The following NTRK3 variants were observed in gnomAD, a reference collection of about 807,000 sequenced individuals.
NTRK3 encodes neurotrophic receptor tyrosine kinase 3, also known as NT-3 growth factor receptor.
Under a neutral mutation model 91.7 loss-of-function variants are expected in NTRK3, and 24 were observed. The ratio of observed to expected loss-of-function variants is 0.26; its 90% CI spans 0.19 to 0.37. NTRK3 has a LOEUF of 0.37. Among genes scored for constraint, NTRK3 ranks in the 10% least tolerant of loss-of-function variants. The pLI is 1.00. For missense variants in NTRK3, 880 were observed against 1,068.9 expected, an observed-to-expected ratio of 0.82 and a Z score of 2.46; for synonymous variants, 483 against 404.0, an observed-to-expected ratio of 1.20 and a Z score of -2.34.
intron 5 of NTRK3, among the ~76,000 whole-genome samples, chr15:88,159,943 T>TAC (rs59254719): frequency 0.06 from 6,722 of 111,884 alleles, 342 homozygotes; most frequent in East Asian, 0.11. Flanking sequence ...CCCAGCCTCC[T>TAC]ACACACACAC....
At chr15:87,863,315 C>A (rs2064573860) in exon 19 of NTRK3, 1 of 226,564 alleles carries the variant, frequency 4.4e-6, no homozygotes, top group Non-Finnish European at 8.8e-6. Context: ...AACAACTGCC[C>A]TTCCTAGTCT....
chr15:88,111,325 A>C (rs776813632), intron 13 of NTRK3, among the ~76,000 whole-genome samples: 25 of 152,234 alleles, frequency 1.6e-4, no homozygotes, highest in Admixed American at 1.2e-3. Context: ...TAATACTTGC[A>C]TCCTTGGAGA....
At chr15:88,135,051 A>G in intron 10 of NTRK3, 50 bp downstream of exon 10, 1 of 1,606,286 alleles carries the variant, frequency 6.2e-7, no homozygotes, top group Non-Finnish European at 8.5e-7. Context: ...CCATCTCCCA[A>G]GCTTGTAGAA....
chr15:87,879,474 C>A (rs1031564852), intron 18 of NTRK3, among the ~76,000 whole-genome samples: 1 of 152,150 alleles, frequency 6.6e-6, no homozygotes, highest in African/African-American at 2.4e-5. Flanking sequence ...GGATTACAGC[C>A]CAGGCTTTGT....
intron 14 of NTRK3, among the ~76,000 whole-genome samples, chr15:87,954,026 GTGTGTGTGTGTGTGTGTGTGT>G (rs1445073141): frequency 7.2e-6 from 1 of 138,528 alleles, no homozygotes; most frequent in African/African-American, 3.4e-5. Flanking sequence ...GTGTGTGTGT[GTGTGTGTGTGTGTGTGTGTGT>G]GTGTGTGTGT....
chr15:87,914,837 G>A (rs550521488), intron 17 of NTRK3, among the ~76,000 whole-genome samples: 13 of 152,342 alleles, frequency 8.5e-5, no homozygotes, highest in East Asian at 3.9e-4. Flanking sequence ...CAAGATTGTC[G>A]TGATGATTGG....
Position 87,873,226 on chromosome 15 carries a change from C to T in NTRK3, c.*3709G>A, listed in dbSNP as rs577508337. 1.7e-4 allele frequency: 39 copies of T among 231,698 alleles called. No homozygotes were observed. In the South Asian group the frequency reaches 6.9e-3, roughly 41 times the overall value. The allele number at this position is 231,698 out of a possible 1,614,324, so 14.4% of individuals were successfully genotyped here. On this transcript the variant is annotated 3_prime_UTR_variant, in exon 19 of 19. Coordinates refer to ENST00000394480, the Ensembl canonical transcript of NTRK3. ...CAGAAGGACCAAAGATCCTTTGCCTCAAGTGGGAAGCCTCTGTCTAGGAGT... is the reference window on the plus strand; with the variant it reads ...CAGAAGGACCAAAGATCCTTTGCCTTAAGTGGGAAGCCTCTGTCTAGGAGT...
intron 17 of NTRK3, among the ~76,000 whole-genome samples, chr15:87,919,158 G>T (rs1327899154): frequency 6.6e-6 from 1 of 152,170 alleles, no homozygotes; most frequent in Non-Finnish European, 1.5e-5. Context: ...CTTTACAAAT[G>T]AGAAACTCAG....
exon 10 of NTRK3, chr15:88,135,360 C>T (rs1016476713): frequency 2.5e-6 from 4 of 1,614,200 alleles, no homozygotes; most frequent in East Asian, 2.2e-5. Context: ...GCTCCAGGCG[C>T]AGCTCAGGCT....
chr15:88,255,817 G>T lies in NTRK3; in HGVS notation c.248+89C>A. Reference sequence around the variant, plus strand: ...GCGGCGGGCAGCGGCGAGCTGGGGCGGGCGGAGGGCCGGCTCCCGGCCGCG... The same window carrying T: ...GCGGCGGGCAGCGGCGAGCTGGGGCTGGCGGAGGGCCGGCTCCCGGCCGCG... On this transcript the variant is annotated intron_variant, in intron 3 of 18. Coordinates refer to ENST00000394480, the Ensembl canonical transcript of NTRK3. This position sits in a 1 kb window ranked among gnomAD's most constrained non-coding sequence, Gnocchi z 4.3. 1 of 1,176,068 alleles carries T rather than the reference G, an allele frequency of 8.5e-7. No individual in the cohort carries two copies. Among genetic ancestry groups the T allele is most frequent in the Non-Finnish European group, 1.1e-6 (1 of 894,394 alleles). The allele number at this position is 1,176,068 out of a possible 1,614,324, so 72.9% of individuals were successfully genotyped here.
exon 19 of NTRK3, chr15:87,862,172 T>A (rs193080848): frequency 4.5e-6 from 1 of 219,944 alleles, no homozygotes; most frequent in East Asian, 6.6e-5. Context: ...ATGGCCTTTT[T>A]TGCAGGGCAA....
At chr15:88,212,165 G>C (rs28441046) in intron 3 of NTRK3, among the ~76,000 whole-genome samples, 1 of 151,850 alleles carries the variant, frequency 6.6e-6, no homozygotes, top group East Asian at 1.9e-4. Flanking sequence ...TCAGGAGATC[G>C]AGACCATCCT....
Position 88,243,582 on chromosome 15 carries a change from C to A in NTRK3, c.248+12324G>T, listed in dbSNP as rs1453197577. Among the ~76,000 whole-genome samples, 1 of 144,212 alleles carries A rather than the reference C, an allele frequency of 6.9e-6. No homozygotes were observed. The highest frequency in any genetic ancestry group is 1.5e-5 in the Non-Finnish European group (1 of 67,468). 94.6% of individuals were successfully genotyped at this position (144,212 alleles called of 152,430 possible). A position where few individuals can be genotyped will look rare whatever the true frequency, so the allele number is the denominator to read the frequency against. On this transcript the variant is annotated intron_variant, in intron 3 of 18. Coordinates refer to ENST00000394480, the Ensembl canonical transcript of NTRK3. This position sits in a 1 kb window ranked among gnomAD's most constrained non-coding sequence, Gnocchi z 4.8. ...CACACACACACACACACACACTGAGCAAAAGGTATTCAATCATGTCTGACA... is the reference window on the plus strand; with the variant it reads ...CACACACACACACACACACACTGAGAAAAAGGTATTCAATCATGTCTGACA...
chr15:88,203,934 T>C (rs2048511165), intron 3 of NTRK3, among the ~76,000 whole-genome samples: 1 of 150,798 alleles, frequency 6.6e-6, no homozygotes, highest in African/African-American at 2.5e-5. Flanking sequence ...TACACGGGTA[T>C]ACATATGCCA....
intron 13 of NTRK3, among the ~76,000 whole-genome samples, chr15:88,041,222 C>T (rs966929597): frequency 6.6e-6 from 1 of 152,212 alleles, no homozygotes; most frequent in Non-Finnish European, 1.5e-5. Context: ...TAGCTCTGGG[C>T]TGACAAGTCC....
At position 88,245,986 on chromosome 15, in the gene NTRK3, G is replaced by GA. The variant is rs570452577; in HGVS notation, c.248+9919dup. On this transcript the variant is annotated intron_variant, in intron 3 of 18. Coordinates refer to ENST00000394480, the Ensembl canonical transcript of NTRK3. ...TATCAGAAATAAGGAAGTGGGGAAAGATGGACCACAACAGAGAGAACACTG... is the reference window on the plus strand; with the variant it reads ...TATCAGAAATAAGGAAGTGGGGAAAGAATGGACCACAACAGAGAGAACACTG... 1.3e-3 allele frequency among the ~76,000 whole-genome samples: 196 copies of GA among 152,318 alleles called. 1 individual carries two copies. Among genetic ancestry groups the GA allele is most frequent in the African/African-American group, 4.5e-3 (186 of 41,566 alleles).
chr15:88,193,930 G>C (rs901665146), intron 3 of NTRK3, among the ~76,000 whole-genome samples: 7 of 152,180 alleles, frequency 4.6e-5, no homozygotes, highest in African/African-American at 1.4e-4. Context: ...GTCTACACCT[G>C]CAGGCCCTTC....
At chr15:88,102,502 T>C (rs1352427957) in intron 13 of NTRK3, among the ~76,000 whole-genome samples, 1 of 152,020 alleles carries the variant, frequency 6.6e-6, no homozygotes, top group African/African-American at 2.4e-5. Context: ...ACTAAAAGAG[T>C]GGAACTGGAA....
intron 13 of NTRK3, among the ~76,000 whole-genome samples, chr15:88,072,067 G>A (rs1283045039): frequency 2.7e-5 from 4 of 148,986 alleles, no homozygotes; most frequent in African/African-American, 2.5e-5. Context: ...GTGCAGTGGT[G>A]TGATCTCGGC....
Sources: gnomAD v4.1 joint callset for allele counts (sites outside exome capture counted in the v4.1 genomes callset) on GRCh38, gnomAD v4.1.1 for gene constraint, Gnocchi (gnomAD v3.1) non-coding constraint, MANE v1.5 for transcripts, NCBI Gene and HGNC (gene_info 2026-07-23, HGNC 2026-07-21) for gene names.